The following CPQ variants were observed in gnomAD, a reference collection of about 807,000 sequenced individuals.
CPQ encodes the protein carboxypeptidase Q, also known as Ser-Met dipeptidase.
In CPQ, 37 loss-of-function variants were observed where a neutral mutation model predicts 45.7. That is an observed-to-expected ratio of 0.81 (90% confidence interval 0.62 to 1.07). CPQ has a LOEUF of 1.07. Among genes scored for constraint, CPQ ranks in the 50% least tolerant of loss-of-function variants. The pLI, the probability that CPQ is intolerant of heterozygous loss-of-function variation, is 0.00. For synonymous variants in CPQ, 186 were observed against 205.8 expected (o/e 0.90, Z 0.82); for missense variants, 537 against 572.9 (o/e 0.94, Z 0.64).
At chr8:97,067,215 C>T (rs1182858366) in intron 7 of CPQ, among the ~76,000 whole-genome samples, 42 of 152,056 alleles carry the variant, frequency 2.8e-4, no homozygotes, top group Non-Finnish European at 1.8e-4. Context: ...GCATGAGCGA[C>T]CATGCCTGGC....
intron 3 of CPQ, among the ~76,000 whole-genome samples, chr8:96,872,313 A>C (rs909686501): frequency 6.6e-6 from 1 of 151,980 alleles, no homozygotes; most frequent in African/African-American, 2.4e-5. Flanking sequence ...CACTGGCCAC[A>C]GAAGTCATGT....
chr8:96,688,311 T>A (rs536657041), intron 1 of CPQ, among the ~76,000 whole-genome samples: 10 of 152,330 alleles, frequency 6.6e-5, no homozygotes, highest in African/African-American at 1.9e-4. Flanking sequence ...TTTCCTTTTA[T>A]TTTCAACCCT....
chr8:96,882,045 G>A (rs1305386201), intron 4 of CPQ, among the ~76,000 whole-genome samples: 1 of 152,214 alleles, frequency 6.6e-6, no homozygotes. Flanking sequence ...ATTTGGTGAT[G>A]GAGAAACAAG....
chr8:97,048,191 G>A (rs2130502277), intron 6 of CPQ, among the ~76,000 whole-genome samples: 1 of 152,290 alleles, frequency 6.6e-6, no homozygotes, highest in East Asian at 1.9e-4. Context: ...GGTCCACTTA[G>A]TGATTTCTTC....
At chr8:96,742,494 A>G (rs1425089875) in intron 1 of CPQ, among the ~76,000 whole-genome samples, 3 of 151,114 alleles carry the variant, frequency 2.0e-5, no homozygotes. Context: ...TAATATTGTT[A>G]TGTGTGAGTT....
chr8:97,060,532 T>C lies in CPQ; in HGVS notation c.1054-5477T>C, dbSNP rs112189165. On this transcript the variant is annotated intron_variant, in intron 6 of 7. Coordinates refer to ENST00000220763, the MANE Select transcript of CPQ (RefSeq NM_016134.4). ...ATGGCTCCTAATAATGAGCAGCTTCTCTTTATTTAGAGAACAAAATAGGGG... is the reference window on the plus strand; with the variant it reads ...ATGGCTCCTAATAATGAGCAGCTTCCCTTTATTTAGAGAACAAAATAGGGG... Among the ~76,000 whole-genome samples, 209 of 152,292 alleles carry C rather than the reference T, an allele frequency of 1.4e-3. 3 individuals carry two copies. The highest frequency in any genetic ancestry group is 2.6e-3 in the Non-Finnish European group (179 of 68,014).
chr8:96,965,377 T>C (rs1483730941), intron 4 of CPQ, among the ~76,000 whole-genome samples: 4 of 145,518 alleles, frequency 2.7e-5, no homozygotes, highest in South Asian at 2.2e-4. Context: ...CTTTTCTTTT[T>C]TTTTTTTTTT....
chr8:96,741,180 G>A lies in CPQ; in HGVS notation c.-34-43684G>A, dbSNP rs181150828. On this transcript the variant is annotated intron_variant, in intron 1 of 7. Transcript: ENST00000220763. ...TGTTATTGGTCTATTCAGAGATTCA[G>A]CTTCTTCCTGGTTTAGTCTTGGGAA... is the stretch of plus-strand genomic sequence containing the variant. Among the ~76,000 whole-genome samples the A allele has an allele frequency of 3.1e-3, 468 of 150,030 alleles. 5 individuals carry two copies. The highest frequency in any genetic ancestry group is 0.011 in the African/African-American group (430 of 40,856).
intron 2 of CPQ, among the ~76,000 whole-genome samples, chr8:96,819,657 A>G (rs1423540135): frequency 1.3e-5 from 2 of 152,088 alleles, no homozygotes; most frequent in Non-Finnish European, 2.9e-5. Context: ...TATAATAAGC[A>G]GATATTATTG....
chr8:96,658,055 A>G (rs916355689), intron 1 of CPQ, among the ~76,000 whole-genome samples: 1 of 152,230 alleles, frequency 6.6e-6, no homozygotes, highest in African/African-American at 2.4e-5. Flanking sequence ...AAAATTTACC[A>G]TCTAAAACAC....
intron 4 of CPQ, among the ~76,000 whole-genome samples, chr8:96,956,374 T>C (rs1813357505): frequency 2.0e-5 from 3 of 152,140 alleles, no homozygotes; most frequent in Admixed American, 2.0e-4. Context: ...AGAAATCATT[T>C]TCGGACCATT....
intron 1 of CPQ, among the ~76,000 whole-genome samples, chr8:96,757,354 GATAATA>G (rs3036414): frequency 0.13 from 17,515 of 139,116 alleles, 1,173 homozygotes; most frequent in South Asian, 0.24. Context: ...CCATCTCAAT[GATAATA>G]ATAATAATAA....
intron 5 of CPQ, among the ~76,000 whole-genome samples, chr8:97,023,029 CAGTA>C (rs1320285512): frequency 2.8e-5 from 4 of 143,088 alleles, no homozygotes; most frequent in African/African-American, 7.9e-5. Flanking sequence ...TATATATATA[CAGTA>C]TATATACAGT....
chr8:96,657,844 C>G (rs189255264), intron 1 of CPQ, among the ~76,000 whole-genome samples: 31 of 152,286 alleles, frequency 2.0e-4, no homozygotes, highest in Admixed American at 1.5e-3. Context: ...TACCTCTCTC[C>G]TTTCATAATG....
At chr8:96,794,526 T>G (rs1331380700) in intron 2 of CPQ, among the ~76,000 whole-genome samples, 5 of 152,238 alleles carry the variant, frequency 3.3e-5, no homozygotes, top group Non-Finnish European at 7.3e-5. Flanking sequence ...TGACATGCCC[T>G]GGAGACATTT....
intron 4 of CPQ, among the ~76,000 whole-genome samples, chr8:96,884,116 C>T (rs1326802675): frequency 6.6e-6 from 1 of 152,140 alleles, no homozygotes; most frequent in African/African-American, 2.4e-5. Context: ...TCCCTCATAC[C>T]TGATTTTTTG....
At chr8:96,745,360 T>C (rs1810165607) in intron 1 of CPQ, among the ~76,000 whole-genome samples, 1 of 151,836 alleles carries the variant, frequency 6.6e-6, no homozygotes. Flanking sequence ...TGAAGAGCAG[T>C]TTCAGGAAAG....
At chr8:96,750,588 C>CT (rs538164805) in intron 1 of CPQ, among the ~76,000 whole-genome samples, 2,092 of 130,232 alleles carry the variant, frequency 0.016, 59 homozygotes, top group South Asian at 0.12. Flanking sequence ...GAGATCTTTT[C>CT]TTTTTTTTTT....
intron 2 of CPQ, among the ~76,000 whole-genome samples, chr8:96,828,780 T>G (rs958786870): frequency 6.6e-6 from 1 of 152,084 alleles, no homozygotes; most frequent in Non-Finnish European, 1.5e-5. Context: ...GCAACCATAT[T>G]CAAAACAAGT....
Sources: gnomAD v4.1 joint callset for allele counts (sites outside exome capture counted in the v4.1 genomes callset) on GRCh38, gnomAD v4.1.1 for gene constraint, MANE v1.5 for transcripts, NCBI Gene and HGNC (gene_info 2026-07-23, HGNC 2026-07-21) for gene names.